The following SLC8A1 variants were observed in gnomAD, a reference collection of about 807,000 sequenced individuals.
SLC8A1 encodes solute carrier family 8 member A1, also known as sodium/calcium exchanger 1.
A neutral mutation model predicts 68.3 loss-of-function variants in SLC8A1; 18 were observed. The ratio of observed to expected loss-of-function variants is 0.26; its 90% CI spans 0.18 to 0.39. The LOEUF (loss-of-function observed/expected upper bound fraction) is 0.39. Among genes scored for constraint, SLC8A1 ranks in the 10% least tolerant of loss-of-function variants. SLC8A1 has a pLI of 1.00. For missense variants in SLC8A1, 985 were observed against 1,156.7 expected, an observed-to-expected ratio of 0.85 and a Z score of 2.15; for synonymous variants, 475 against 415.5, an observed-to-expected ratio of 1.14 and a Z score of -1.74.
intron 2 of SLC8A1, among the ~76,000 whole-genome samples, chr2:40,263,469 C>A (rs771779699): frequency 5.9e-5 from 9 of 152,134 alleles, no homozygotes; most frequent in Non-Finnish European, 1.0e-4. Flanking sequence ...AAGGCTACAG[C>A]AACCAAAACA....
chr2:40,318,049 C>G (rs2074704825), intron 2 of SLC8A1, among the ~76,000 whole-genome samples: 1 of 152,014 alleles, frequency 6.6e-6, no homozygotes, highest in South Asian at 2.1e-4. Flanking sequence ...AAAGAAGGCA[C>G]TAAATATGGA....
chr2:40,346,268 C>T (rs142039413), intron 2 of SLC8A1, among the ~76,000 whole-genome samples: 120 of 152,068 alleles, frequency 7.9e-4, no homozygotes, highest in Non-Finnish European at 1.4e-3. Flanking sequence ...GCTGAGACTC[C>T]CCTTTCCTAA....
intron 2 of SLC8A1, among the ~76,000 whole-genome samples, chr2:40,384,191 A>C (rs1033920579): frequency 2.6e-5 from 4 of 152,060 alleles, no homozygotes; most frequent in African/African-American, 9.7e-5. Flanking sequence ...CAGGAGTTGG[A>C]GACTGCAGTG....
chr2:40,227,955 T>C (rs2059188157), intron 2 of SLC8A1, among the ~76,000 whole-genome samples: 1 of 152,188 alleles, frequency 6.6e-6, no homozygotes, highest in Non-Finnish European at 1.5e-5. Context: ...TACCCATGTT[T>C]TACATACGTA....
At chr2:40,148,788 ATATAG>A (rs1055038969) in intron 6 of SLC8A1, among the ~76,000 whole-genome samples, 13 of 152,228 alleles carry the variant, frequency 8.5e-5, no homozygotes, top group African/African-American at 2.7e-4. Context: ...ATATGCTTAC[ATATAG>A]TAAACTTAGT....
At chr2:40,402,245 A>G (rs894258031) in intron 2 of SLC8A1, among the ~76,000 whole-genome samples, 4 of 152,212 alleles carry the variant, frequency 2.6e-5, no homozygotes, top group African/African-American at 9.6e-5. Context: ...TCCCACCAGC[A>G]CCATGACAGT....
intron 5 of SLC8A1, among the ~76,000 whole-genome samples, chr2:40,161,577 C>A (rs1013835765): frequency 6.6e-6 from 1 of 152,186 alleles, no homozygotes; most frequent in Non-Finnish European, 1.5e-5. Context: ...TTCTTTGGAA[C>A]TTTTTAAGCA....
intron 2 of SLC8A1, among the ~76,000 whole-genome samples, chr2:40,276,357 C>G (rs1268681859): frequency 2.0e-5 from 3 of 152,168 alleles, no homozygotes; most frequent in Non-Finnish European, 2.9e-5. Flanking sequence ...ACTGAGAAAA[C>G]AAGCAGTGAG....
At chr2:40,467,790 T>C (rs1237284402) in intron 1 of SLC8A1, among the ~76,000 whole-genome samples, 2 of 152,188 alleles carry the variant, frequency 1.3e-5, no homozygotes, top group African/African-American at 4.8e-5. Flanking sequence ...ACCATCCTTA[T>C]CTATTACATT....
chr2:40,488,682 A>C (rs1705124083), intron 1 of SLC8A1, among the ~76,000 whole-genome samples: 1 of 152,134 alleles, frequency 6.6e-6, no homozygotes, highest in South Asian at 2.1e-4. Context: ...TTCCCACCTG[A>C]AATCGTCTTG....
intron 2 of SLC8A1, among the ~76,000 whole-genome samples, chr2:40,267,251 C>T (rs1395593981): frequency 2.6e-5 from 4 of 152,174 alleles, no homozygotes; most frequent in African/African-American, 7.2e-5. Context: ...AGTCTTTTGT[C>T]TCTGGGTAAC....
In SLC8A1 at chr2:40,232,718, T is replaced by C. The variant is rs1401274732; in HGVS notation, c.1809-54863A>G. Among the ~76,000 whole-genome samples the C allele has an allele frequency of 8.7e-5, 11 of 125,726 alleles. No homozygotes were observed. The South Asian group carries it at 1.3e-3, about 15-fold the overall frequency. 82.5% of individuals were successfully genotyped at this position (125,726 alleles called of 152,430 possible). On this transcript the variant is annotated intron_variant, in intron 2 of 7. Transcript: ENST00000406785. ...GCACCCACTAACTCGTCATCTAGCA[T>C]TAGGTATATCTCCCAGTGCTATCCC...
intron 1 of SLC8A1, among the ~76,000 whole-genome samples, chr2:40,430,811 C>T (rs373899540): frequency 7.9e-5 from 12 of 152,026 alleles, no homozygotes; most frequent in African/African-American, 2.4e-4. Context: ...AATCAGACTC[C>T]GAAAAAATCC....
At chr2:40,473,893 T>A (rs1276419394) in intron 1 of SLC8A1, among the ~76,000 whole-genome samples, 1 of 152,238 alleles carries the variant, frequency 6.6e-6, no homozygotes, top group African/African-American at 2.4e-5. Flanking sequence ...AAAATAGATT[T>A]AGTGATCCTA....
intron 2 of SLC8A1, among the ~76,000 whole-genome samples, chr2:40,424,197 T>A (rs1559623667): frequency 6.6e-6 from 1 of 151,888 alleles, no homozygotes; most frequent in Non-Finnish European, 1.5e-5. Context: ...TTTCATCATT[T>A]CTGATTTCTC....
chr2:40,286,162 T>C (rs569957075), intron 2 of SLC8A1, among the ~76,000 whole-genome samples: 1 of 152,268 alleles, frequency 6.6e-6, no homozygotes, highest in African/African-American at 2.4e-5. Flanking sequence ...AATTCCCTAC[T>C]CTGGTGCCTG....
At chr2:40,154,578 C>G (rs191242845) in intron 6 of SLC8A1, among the ~76,000 whole-genome samples, 4 of 150,784 alleles carry the variant, frequency 2.7e-5, no homozygotes, top group Admixed American at 2.0e-4. Flanking sequence ...CCGCCTGCCT[C>G]AGACTCCCAA....
At chr2:40,473,577 C>G (rs911688365) in intron 1 of SLC8A1, among the ~76,000 whole-genome samples, 5 of 152,086 alleles carry the variant, frequency 3.3e-5, no homozygotes, top group Non-Finnish European at 4.4e-5. Context: ...TTTCAACTTC[C>G]TAGAAGTGTG....
chr2:40,157,061 T>A (rs181686146), intron 6 of SLC8A1, among the ~76,000 whole-genome samples: 1 of 152,344 alleles, frequency 6.6e-6, no homozygotes, highest in Admixed American at 6.5e-5. Context: ...ATGGTATGCA[T>A]GATACCATGA....
Sources: allele counts gnomAD v4.1 joint callset (sites outside exome capture counted in the v4.1 genomes callset), GRCh38; gene constraint gnomAD v4.1.1; transcripts MANE v1.5; gene names NCBI Gene and HGNC (gene_info 2026-07-23, HGNC 2026-07-21).